EBF4: variants seen among roughly 807,000 people sequenced by gnomAD.
EBF4 encodes EBF transcription factor 4, also known as transcription factor COE4.
Under a neutral mutation model 67.1 loss-of-function variants are expected in EBF4, and 34 were observed. That is an observed-to-expected ratio of 0.51 (90% confidence interval 0.39 to 0.67). EBF4 has a LOEUF of 0.67. EBF4 is among the 30% of genes least tolerant of loss of function. The pLI, the probability that EBF4 is intolerant of heterozygous loss-of-function variation, is 0.00. For missense variants in EBF4, 837 were observed against 873.3 expected (o/e 0.96, Z 0.52); for synonymous variants, 387 against 377.7 (o/e 1.02, Z -0.29).
In EBF4 at chr20:2,707,867, A is replaced by G; in HGVS notation, c.415-80A>G. 7.3e-7 allele frequency: 1 copy of G among 1,373,066 alleles called. No individual in the cohort carries two copies. Among genetic ancestry groups the G allele is most frequent in the African/African-American group, 1.4e-5 (1 of 69,224 alleles). 85.1% of individuals were successfully genotyped at this position (1,373,066 alleles called of 1,614,324 possible). On this transcript the variant is annotated intron_variant, in intron 4 of 16. Coordinates refer to ENST00000609451, the Ensembl canonical transcript of EBF4. This position sits in a 1 kb window ranked among gnomAD's most constrained non-coding sequence, Gnocchi z 4.6. ...GTCTCCCTGGGCCTAGGCTTGGGAGATGCCAGGTCCGTCTGTGCTGCCACC... is the reference window on the plus strand; with the variant it reads ...GTCTCCCTGGGCCTAGGCTTGGGAGGTGCCAGGTCCGTCTGTGCTGCCACC...
upstream of EBF4, chr20:2,692,792 CG>C: frequency 6.8e-6 from 1 of 146,130 alleles, no homozygotes; most frequent in Non-Finnish European, 1.3e-5. The surrounding 1 kb of genome is among the most constrained non-coding windows in gnomAD (Gnocchi z 6.4). Context: ...CTTCGGCTAC[CG>C]CTCCCCCGGG....
exon 16 of EBF4, chr20:2,758,931 C>G (rs1175801189): frequency 7.1e-6 from 11 of 1,551,700 alleles, no homozygotes; most frequent in Non-Finnish European, 7.8e-6. Context: ...AGGATTCTGA[C>G]AAGTTTCACT....
intron 6 of EBF4, among the ~76,000 whole-genome samples, chr20:2,709,999 A>G (rs968460893): frequency 6.6e-6 from 1 of 152,206 alleles, no homozygotes; most frequent in Non-Finnish European, 1.5e-5. Flanking sequence ...AACCAGGCTC[A>G]GGTTCCCAGT....
intron 6 of EBF4, among the ~76,000 whole-genome samples, chr20:2,721,155 A>C (rs2087674227): frequency 6.6e-6 from 1 of 150,544 alleles, no homozygotes; most frequent in South Asian, 2.1e-4. Context: ...TGATTTATTC[A>C]GTTATTTTTT....
At position 2,728,236 on chromosome 20, in the gene EBF4, G is replaced by A. The variant is rs762299824; in HGVS notation, c.557+18594G>A. Among the ~76,000 whole-genome samples the A allele has an allele frequency of 3.2e-4, 49 of 152,222 alleles. 1 individual carries two copies. The highest frequency in any genetic ancestry group is 6.8e-3 in the Middle Eastern group (2 of 294). ...GGTGAGATCATTTCTCTCCATCCCT[G>A]GATGAAATAATGGACTATTCCTTCA... On this transcript the variant is annotated intron_variant, in intron 6 of 16. Transcript: ENST00000609451.
intron 1 of EBF4, among the ~76,000 whole-genome samples, chr20:2,701,820 C>T (rs966869340): frequency 5.9e-5 from 9 of 152,250 alleles, no homozygotes; most frequent in African/African-American, 2.2e-4. Context: ...CTCCTCTGGC[C>T]TTCTCTCCCA....
In EBF4 at chr20:2,693,738, G is replaced by T; in HGVS notation, c.93G>T (p.Trp31Cys). ...CCGGCCTGGGCTCAGTGCGCTCCTG[G>T]ATGCAGGGCGCGGGCATCCTGGACG... Residue 31 changes from tryptophan (W) to cysteine (C), a missense_variant, in exon 1 of 17, where the codon TGG (tryptophan) becomes TGT (cysteine). Trp to Cys is a radical substitution (Grantham distance 215). Transcript: ENST00000609451. The surrounding 1 kb of genome is among the most constrained non-coding windows in gnomAD (Gnocchi z 4.6). The T allele has an allele frequency of 7.3e-7, 1 of 1,361,216 alleles. No homozygotes were observed. The allele number at this position is 1,361,216 out of a possible 1,614,324, so 84.3% of individuals were successfully genotyped here. A position where few individuals can be genotyped will look rare whatever the true frequency, so the allele number is the denominator to read the frequency against.
At chr20:2,742,089 C>T (rs569918382) in intron 6 of EBF4, among the ~76,000 whole-genome samples, 16 of 152,274 alleles carry the variant, frequency 1.1e-4, no homozygotes, top group Middle Eastern at 3.4e-3. Flanking sequence ...GCAGGCTTGC[C>T]GCTGCAGTAC....
intron 6 of EBF4, among the ~76,000 whole-genome samples, chr20:2,725,844 G>A (rs1296032056): frequency 3.9e-5 from 6 of 152,268 alleles, no homozygotes; most frequent in African/African-American, 9.6e-5. Flanking sequence ...TCTGATATTT[G>A]TGTATTTGTG....
intron 15 of EBF4, among the ~76,000 whole-genome samples, chr20:2,757,611 G>A (rs896975879): frequency 4.6e-5 from 7 of 152,196 alleles, no homozygotes; most frequent in Admixed American, 2.0e-4. Flanking sequence ...GAAGGTATGT[G>A]GGTGGGAAGG....
At position 2,737,119 on chromosome 20, in the gene EBF4, G is replaced by T. The variant is rs185933467; in HGVS notation, c.558-11430G>T. Among the ~76,000 whole-genome samples the T allele has an allele frequency of 5.7e-5, 8 of 139,500 alleles. No individual in the cohort carries two copies. The East Asian group carries it at 1.9e-3, about 33-fold the overall frequency. The allele number at this position is 139,500 out of a possible 152,430, so 91.5% of individuals were successfully genotyped here. On this transcript the variant is annotated intron_variant, in intron 6 of 16. Transcript: ENST00000609451. ...CAAAAAATTAGCCGGGCGTGGTGGCGGGCGCCTGTAGTCCCAGCTACTCGG... is the reference window on the plus strand; with the variant it reads ...CAAAAAATTAGCCGGGCGTGGTGGCTGGCGCCTGTAGTCCCAGCTACTCGG...
intron 6 of EBF4, among the ~76,000 whole-genome samples, chr20:2,722,086 A>G (rs527271955): frequency 3.8e-4 from 57 of 151,960 alleles, no homozygotes; most frequent in African/African-American, 1.2e-3. Context: ...CTTTTTTGAG[A>G]TGGGAGTCTC....
intron 6 of EBF4, among the ~76,000 whole-genome samples, chr20:2,713,422 G>A (rs1310084612): frequency 2.0e-5 from 3 of 152,160 alleles, no homozygotes; most frequent in Admixed American, 1.3e-4. Context: ...TGGAAGATAA[G>A]GATAGAGAGG....
rs566743020 is a variant in EBF4 at position 2,745,503 on chromosome 20, C to T, written c.558-3046C>T. 2.0e-5 allele frequency among the ~76,000 whole-genome samples: 3 copies of T among 152,296 alleles called. No individual in the cohort carries two copies. In the East Asian group the frequency reaches 5.8e-4, roughly 29 times the overall value. On this transcript the variant is annotated intron_variant, in intron 6 of 16. Coordinates refer to ENST00000609451, the Ensembl canonical transcript of EBF4. The surrounding 1 kb of genome is among the most constrained non-coding windows in gnomAD (Gnocchi z 5.2). ...GGTGCTGGCAGGTCCCTAGGGCTCT[C>T]AGAAAGGGGTGGTCCTTGAAACCTA...
At chr20:2,759,074 TC>T (rs2088287383) in intron 16 of EBF4, 90 bp downstream of exon 16, 2 of 1,250,616 alleles carry the variant, frequency 1.6e-6, no homozygotes, top group Non-Finnish European at 1.1e-6. Flanking sequence ...TGCTCAAGCC[TC>T]CCCGCTAGCA....
chr20:2,746,481 G>A (rs892016781), intron 6 of EBF4, among the ~76,000 whole-genome samples: 4 of 152,060 alleles, frequency 2.6e-5, no homozygotes, highest in African/African-American at 9.7e-5. Context: ...CCCAGGGAGA[G>A]GTATCTCTAG....
intron 6 of EBF4, among the ~76,000 whole-genome samples, chr20:2,724,543 G>A (rs1024388720): frequency 5.3e-5 from 8 of 152,080 alleles, no homozygotes; most frequent in Non-Finnish European, 1.0e-4. Flanking sequence ...GTTGTTCTGG[G>A]AACACAATTC....
rs1216603311 is a variant in EBF4, at chr20:2,756,353, G to A, written c.1738+529G>A. ...CTTCCCACATCCCATTCATGAAATG[G>A]CTGTTCTCTCACTTTACCCATGTGC... On this transcript the variant is annotated intron_variant, in intron 15 of 16. Coordinates refer to ENST00000609451, the Ensembl canonical transcript of EBF4. This position sits in a 1 kb window ranked among gnomAD's most constrained non-coding sequence, Gnocchi z 4.5. Among the ~76,000 whole-genome samples the A allele has an allele frequency of 6.6e-6, 1 of 152,232 alleles. No individual in the cohort carries two copies. The highest frequency in any genetic ancestry group is 1.9e-4 in the East Asian group (1 of 5,204).
In EBF4 at chr20:2,755,679, C is replaced by G. The variant is rs772406829; in HGVS notation, c.1593C>G (p.Ala531=). The G allele has an allele frequency of 4.5e-6, 7 of 1,550,172 alleles. No individual in the cohort carries two copies. Among genetic ancestry groups the G allele is most frequent in the Non-Finnish European group, 6.1e-6 (7 of 1,146,676 alleles). ...CTGCCTCCTCCATGTCCCTCCCGGCCGCTGCCCCCACCACCAGCGTGTTCT... is the reference window on the plus strand; with the variant it reads ...CTGCCTCCTCCATGTCCCTCCCGGCGGCTGCCCCCACCACCAGCGTGTTCT... Residue 531 remains alanine (A), a synonymous_variant, in exon 15 of 17, where the codon GCC becomes GCG. Transcript: ENST00000609451. The surrounding 1 kb of genome is among the most constrained non-coding windows in gnomAD (Gnocchi z 4.7).
Sources: gnomAD v4.1 joint callset for allele counts (sites outside exome capture counted in the v4.1 genomes callset) on GRCh38, gnomAD v4.1.1 for gene constraint, Gnocchi (gnomAD v3.1) non-coding constraint, MANE v1.5 for transcripts, NCBI Gene and HGNC (gene_info 2026-07-23, HGNC 2026-07-21) for gene names.